The following GRM7 variants were observed in gnomAD, a reference collection of about 807,000 sequenced individuals.
The protein encoded by GRM7 is metabotropic glutamate receptor 7.
GRM7 carries 35 observed loss-of-function variants against 84.5 expected under a neutral mutation model. The ratio of observed to expected loss-of-function variants is 0.41; its 90% CI spans 0.32 to 0.55. The LOEUF (loss-of-function observed/expected upper bound fraction) is 0.55, where lower values mean the gene tolerates loss of function less well. Ranked by LOEUF, GRM7 falls within the 20% of genes least tolerant of loss-of-function variation. GRM7 has a pLI of 0.19. For synonymous variants in GRM7, 487 were observed against 455.1 expected, an observed-to-expected ratio of 1.07 and a Z score of -0.89; for missense variants, 1,003 against 1,194.6, an observed-to-expected ratio of 0.84 and a Z score of 2.36.
intron 2 of GRM7, among the ~76,000 whole-genome samples, chr3:7,173,851 T>C (rs1207940963): frequency 6.6e-6 from 1 of 152,250 alleles, no homozygotes; most frequent in Non-Finnish European, 1.5e-5. Context: ...GCTTATACTT[T>C]TCTGTGTGGT....
chr3:7,568,031 A>T (rs1309595781), intron 7 of GRM7, among the ~76,000 whole-genome samples: 1 of 152,136 alleles, frequency 6.6e-6, no homozygotes, highest in Non-Finnish European at 1.5e-5. Flanking sequence ...CAAACATCTC[A>T]TGACCCTGAC....
chr3:7,003,390 A>G (rs1258170934), intron 1 of GRM7, among the ~76,000 whole-genome samples: 2 of 151,024 alleles, frequency 1.3e-5, no homozygotes, highest in East Asian at 3.9e-4. Context: ...ATTTTAAGAT[A>G]AATAAATAGG....
At chr3:7,108,795 C>A (rs1692742438) in intron 1 of GRM7, among the ~76,000 whole-genome samples, 1 of 151,950 alleles carries the variant, frequency 6.6e-6, no homozygotes, top group African/African-American at 2.4e-5. Context: ...AAAGAAACAA[C>A]CAGGGGTGGT....
intron 1 of GRM7, among the ~76,000 whole-genome samples, chr3:7,126,734 C>G (rs1355304700): frequency 1.3e-5 from 2 of 152,188 alleles, no homozygotes; most frequent in East Asian, 3.9e-4. Context: ...GCCCCCTCCT[C>G]TCTGCTTCTC....
chr3:7,264,656 C>T (rs1698566484), intron 2 of GRM7, among the ~76,000 whole-genome samples: 1 of 152,114 alleles, frequency 6.6e-6, no homozygotes, highest in African/African-American at 2.4e-5. Context: ...ACCGGTATTC[C>T]ATATGTCCCA....
At chr3:6,972,729 C>T (rs1023907359) in intron 1 of GRM7, among the ~76,000 whole-genome samples, 5 of 152,146 alleles carry the variant, frequency 3.3e-5, no homozygotes, top group African/African-American at 1.2e-4. Flanking sequence ...TTAGAATCGT[C>T]TTGTGTTAGG....
intron 2 of GRM7, among the ~76,000 whole-genome samples, chr3:7,224,344 G>C (rs1449720700): frequency 2.0e-5 from 3 of 152,214 alleles, no homozygotes; most frequent in Middle Eastern, 3.4e-3. Flanking sequence ...ATTATCAAAA[G>C]GATAGTATCA....
At chr3:7,051,173 G>A (rs1432238087) in intron 1 of GRM7, among the ~76,000 whole-genome samples, 1 of 151,754 alleles carries the variant, frequency 6.6e-6, no homozygotes, top group Non-Finnish European at 1.5e-5. Flanking sequence ...AATATAAGGT[G>A]TGCAGAATCA....
At chr3:7,659,652 T>C (rs1181223204) in intron 8 of GRM7, among the ~76,000 whole-genome samples, 2 of 152,180 alleles carry the variant, frequency 1.3e-5, no homozygotes, top group East Asian at 3.9e-4. Context: ...TTAATGTTGA[T>C]TGAAGGCCTG....
At chr3:7,638,341 A>G (rs1051146462) in intron 8 of GRM7, among the ~76,000 whole-genome samples, 3 of 152,242 alleles carry the variant, frequency 2.0e-5, no homozygotes, top group African/African-American at 7.2e-5. Flanking sequence ...TTTGCAATGC[A>G]TTTTGACATC....
chr3:6,936,843 A>T (rs560135709), intron 1 of GRM7, among the ~76,000 whole-genome samples: 1 of 152,288 alleles, frequency 6.6e-6, no homozygotes, highest in African/African-American at 2.4e-5. Flanking sequence ...TATTTTTATT[A>T]TTAGACATAT....
intron 7 of GRM7, among the ~76,000 whole-genome samples, chr3:7,510,672 A>C (rs951901650): frequency 6.6e-6 from 1 of 152,220 alleles, no homozygotes; most frequent in Non-Finnish European, 1.5e-5. Flanking sequence ...GGTCAGATCA[A>C]ATCTGTCCTG....
At chr3:7,190,323 TGTTA>T (rs1407174263) in intron 2 of GRM7, among the ~76,000 whole-genome samples, 1 of 152,154 alleles carries the variant, frequency 6.6e-6, no homozygotes, top group Admixed American at 6.6e-5. Context: ...TAAACTTATC[TGTTA>T]GTTATTCTCA....
intron 8 of GRM7, among the ~76,000 whole-genome samples, chr3:7,583,626 G>T (rs998544138): frequency 1.3e-5 from 2 of 152,124 alleles, no homozygotes; most frequent in Non-Finnish European, 2.9e-5. Flanking sequence ...GATAGTTTTC[G>T]TAAAGATTAA....
chr3:7,461,417 A>G (rs759056535), intron 6 of GRM7, among the ~76,000 whole-genome samples, 166 bp from the exon 7 acceptor site: 1 of 152,226 alleles, frequency 6.6e-6, no homozygotes, highest in Non-Finnish European at 1.5e-5. Flanking sequence ...GGCCATAGTG[A>G]TAACTTGCCT....
At chr3:7,600,191 GT>G (rs2125069822) in intron 8 of GRM7, among the ~76,000 whole-genome samples, 1 of 152,142 alleles carries the variant, frequency 6.6e-6, no homozygotes, top group African/African-American at 2.4e-5. Flanking sequence ...GTTTTCGGTG[GT>G]TACTTAAAAA....
chr3:7,726,944 A>G (rs1169791359), intron 9 of GRM7, among the ~76,000 whole-genome samples: 2 of 151,840 alleles, frequency 1.3e-5, no homozygotes, highest in East Asian at 3.9e-4. Flanking sequence ...AATCTAAAAC[A>G]GTCTCATCAC....
intron 1 of GRM7, chr3:6,884,437 A>T (rs1444634191): frequency 6.6e-6 from 1 of 152,366 alleles, no homozygotes; most frequent in Non-Finnish European, 1.5e-5. Flanking sequence ...TCCTCACAAT[A>T]TATTAGGACA....
chr3:7,119,508 C>T (rs917260710), intron 1 of GRM7, among the ~76,000 whole-genome samples: 1 of 152,096 alleles, frequency 6.6e-6, no homozygotes, highest in African/African-American at 2.4e-5. Context: ...GCAGAACAAA[C>T]ATAAAACAAT....
Sources: gnomAD v4.1 joint callset for allele counts (sites outside exome capture counted in the v4.1 genomes callset) on GRCh38, gnomAD v4.1.1 for gene constraint, MANE v1.5 for transcripts, NCBI Gene and HGNC (gene_info 2026-07-23, HGNC 2026-07-21) for gene names.